APBA1: variants seen among roughly 807,000 people sequenced by gnomAD.
APBA1 encodes the protein amyloid beta precursor protein binding family A member 1, also known as amyloid-beta A4 precursor protein-binding family A member 1.
In APBA1, 55 loss-of-function variants were observed where a neutral mutation model predicts 86.6. The ratio of observed to expected loss-of-function variants is 0.64; its 90% CI spans 0.51 to 0.80. The LOEUF (loss-of-function observed/expected upper bound fraction) is 0.80. APBA1 is among the 30% of genes least tolerant of loss of function. The probability of loss-of-function intolerance (pLI) is 0.00; values close to 1 mark genes in which losing one functional copy is unlikely to be tolerated. For missense variants in APBA1, 1,090 were observed against 1,183.0 expected, an observed-to-expected ratio of 0.92 and a Z score of 1.15; for synonymous variants, 511 against 493.9, an observed-to-expected ratio of 1.03 and a Z score of -0.46.
intron 1 of APBA1, among the ~76,000 whole-genome samples, chr9:69,535,182 T>C (rs1344920433): frequency 6.6e-6 from 1 of 152,224 alleles, no homozygotes; most frequent in Non-Finnish European, 1.5e-5. Context: ...ATTATGACTA[T>C]GTAAATAATG....
At chr9:69,468,000 A>G in intron 4 of APBA1, 32 bp from the exon 5 acceptor site, 1 of 1,606,264 alleles carries the variant, frequency 6.2e-7, no homozygotes, top group Non-Finnish European at 8.5e-7. Flanking sequence ...TGAGGAAGCC[A>G]TCCTGGGGTG....
At chr9:69,491,843 C>T (rs1468933219) in intron 2 of APBA1, among the ~76,000 whole-genome samples, 1 of 150,116 alleles carries the variant, frequency 6.7e-6, no homozygotes, top group African/African-American at 2.5e-5. Flanking sequence ...CAGTTCACTG[C>T]AACCTCCGCC....
chr9:69,487,240 C>G (rs116384776), intron 2 of APBA1, among the ~76,000 whole-genome samples: 1 of 151,970 alleles, frequency 6.6e-6, no homozygotes, highest in Non-Finnish European at 1.5e-5. Context: ...AAGAGACACA[C>G]AAAAAGTGAG....
intron 11 of APBA1, among the ~76,000 whole-genome samples, 198 bp from the exon 12 acceptor site, chr9:69,432,874 C>A (rs773975761): frequency 2.0e-5 from 3 of 152,300 alleles, no homozygotes; most frequent in East Asian, 1.9e-4. Flanking sequence ...CTTGTTCATG[C>A]GGCTTGCACA....
intron 11 of APBA1, among the ~76,000 whole-genome samples, chr9:69,440,046 C>T (rs969817307): frequency 6.6e-6 from 1 of 152,220 alleles, no homozygotes; most frequent in African/African-American, 2.4e-5. Flanking sequence ...ACTGGAGGTC[C>T]ACTCCAGACC....
At chr9:69,559,191 C>A (rs955587919) in intron 1 of APBA1, among the ~76,000 whole-genome samples, 4 of 152,080 alleles carry the variant, frequency 2.6e-5, no homozygotes, top group Admixed American at 2.6e-4. Flanking sequence ...TAATAAAAAG[C>A]AAATTAAAAA....
intron 1 of APBA1, among the ~76,000 whole-genome samples, chr9:69,548,614 C>T (rs1588356034): frequency 1.3e-5 from 2 of 152,232 alleles, no homozygotes; most frequent in East Asian, 3.9e-4. Flanking sequence ...GGGTAAAAGG[C>T]AATAGGGTGC....
chr9:69,511,934 T>C (rs889489318), intron 2 of APBA1, among the ~76,000 whole-genome samples: 1 of 130,150 alleles, frequency 7.7e-6, no homozygotes, highest in African/African-American at 3.0e-5. Context: ...GGGGTGGGGG[T>C]AGGGGGGAGG....
chr9:69,482,513 A>C (rs1835530033), intron 2 of APBA1, among the ~76,000 whole-genome samples: 1 of 151,204 alleles, frequency 6.6e-6, no homozygotes, highest in South Asian at 2.1e-4. Flanking sequence ...GAACACTTTT[A>C]CACTGTTGGT....
intron 1 of APBA1, among the ~76,000 whole-genome samples, chr9:69,561,671 C>T (rs1357215113): frequency 1.3e-5 from 2 of 151,674 alleles, no homozygotes; most frequent in Admixed American, 6.6e-5. Flanking sequence ...ACTGTGTTGC[C>T]CAGGCTGGAC....
At chr9:69,471,817 T>C in intron 3 of APBA1, 122 bp from the exon 4 acceptor site, 1 of 781,334 alleles carries the variant, frequency 1.3e-6, no homozygotes, top group South Asian at 1.7e-5. Flanking sequence ...TTATTGATCA[T>C]TTTTAGTTAG....
intron 7 of APBA1, 39 bp downstream of exon 7, chr9:69,457,014 C>G: frequency 6.4e-7 from 1 of 1,557,414 alleles, no homozygotes; most frequent in Non-Finnish European, 8.9e-7. Context: ...TACGATGTCA[C>G]TAAGCTTCAC....
intron 1 of APBA1, among the ~76,000 whole-genome samples, chr9:69,538,420 T>TC (rs1031205620): frequency 5.3e-5 from 8 of 152,294 alleles, no homozygotes; most frequent in African/African-American, 1.9e-4. Flanking sequence ...TTTGCTGGCA[T>TC]CCCAAATCCA....
At chr9:69,485,875 T>A (rs565399253) in intron 2 of APBA1, among the ~76,000 whole-genome samples, 1 of 152,068 alleles carries the variant, frequency 6.6e-6, no homozygotes, top group South Asian at 2.1e-4. Flanking sequence ...AAATGTATCA[T>A]CCTGTCCATT....
At chr9:69,522,092 T>A (rs1161024816) in intron 1 of APBA1, among the ~76,000 whole-genome samples, 3 of 126,890 alleles carry the variant, frequency 2.4e-5, no homozygotes, top group Admixed American at 1.6e-4. Context: ...CACACATATA[T>A]AAATTATATA....
intron 1 of APBA1, among the ~76,000 whole-genome samples, chr9:69,565,490 T>C (rs1004096426): frequency 1.3e-5 from 2 of 152,158 alleles, no homozygotes; most frequent in African/African-American, 2.4e-5. Context: ...CACCTCTCCA[T>C]GGAACTTCAT....
intron 5 of APBA1, chr9:69,461,554 T>A (rs1332576959): frequency 6.6e-6 from 1 of 152,174 alleles, no homozygotes; most frequent in African/African-American, 2.4e-5. Flanking sequence ...CCCTGCTAGA[T>A]GGTAAGCCAT....
rs570325286 is a variant in APBA1, at chr9:69,603,974, T to C, written c.-70+68179A>G. 3.3e-5 allele frequency among the ~76,000 whole-genome samples: 5 copies of C among 152,332 alleles called. No individual in the cohort carries two copies. The East Asian group carries it at 9.6e-4, about 29-fold the overall frequency. The stretch of plus-strand genomic sequence containing the variant: ...ATTACACAGTAGAAAATGCTAACTA[T>C]TACAAAAAGAGAATCACTTATGATT... On this transcript the variant is annotated intron_variant, in intron 1 of 12. Transcript: ENST00000265381.
At position 69,590,824 on chromosome 9, in the gene APBA1, T is replaced by C. The variant is rs977178364; in HGVS notation, c.-69-73545A>G. 2.6e-5 allele frequency among the ~76,000 whole-genome samples: 4 copies of C among 152,148 alleles called. No homozygotes were observed. The South Asian group carries it at 6.2e-4, about 24-fold the overall frequency. On this transcript the variant is annotated intron_variant, in intron 1 of 12. Coordinates refer to ENST00000265381, the MANE Select transcript of APBA1 (RefSeq NM_001163.4). ...GACATGGCTGGGTACCCAGCAACAGTGGGTTTCTGCAGACAGCTAAATGGC... is the reference window on the plus strand; with the variant it reads ...GACATGGCTGGGTACCCAGCAACAGCGGGTTTCTGCAGACAGCTAAATGGC...
Sources: allele counts gnomAD v4.1 joint callset (sites outside exome capture counted in the v4.1 genomes callset), GRCh38; gene constraint gnomAD v4.1.1; transcripts MANE v1.5; gene names NCBI Gene and HGNC (gene_info 2026-07-23, HGNC 2026-07-21).